Variants in TRPC1 observed in about 807,000 individuals in gnomAD.
TRPC1 encodes the protein transient receptor potential cation channel subfamily C member 1.
TRPC1 carries 42 observed loss-of-function variants against 88.2 expected under a neutral mutation model. That is an observed-to-expected ratio of 0.48 (90% CI 0.37 to 0.62). The LOEUF (loss-of-function observed/expected upper bound fraction) is 0.62. Ranked by LOEUF, TRPC1 falls within the 20% of genes least tolerant of loss-of-function variation. The probability of loss-of-function intolerance (pLI) is 0.00; values close to 1 mark genes in which losing one functional copy is unlikely to be tolerated. For missense variants in TRPC1, 699 were observed against 957.3 expected, an observed-to-expected ratio of 0.73 and a Z score of 3.56; for synonymous variants, 288 against 331.8, an observed-to-expected ratio of 0.87 and a Z score of 1.43.
At chr3:142,727,982 T>TA (rs879298426) in intron 1 of TRPC1, among the ~76,000 whole-genome samples, 249 of 144,594 alleles carry the variant, frequency 1.7e-3, no homozygotes, top group Middle Eastern at 3.5e-3. Context: ...AATTTTCCTC[T>TA]AAAAAAAAAA....
intron 3 of TRPC1, among the ~76,000 whole-genome samples, chr3:142,746,612 T>TA (rs1255419866): frequency 3.3e-5 from 5 of 152,186 alleles, no homozygotes; most frequent in Non-Finnish European, 7.3e-5. Context: ...CAAAGGAAAT[T>TA]AAATTACAAT....
chr3:142,774,015 G>A (rs113770476), intron 4 of TRPC1, among the ~76,000 whole-genome samples: 31 of 152,050 alleles, frequency 2.0e-4, no homozygotes, highest in African/African-American at 7.5e-4. Context: ...ATTTATTGAT[G>A]TCTGTGCTTT....
At chr3:142,766,855 T>A (rs1316978964) in intron 4 of TRPC1, among the ~76,000 whole-genome samples, 1 of 152,242 alleles carries the variant, frequency 6.6e-6, no homozygotes, top group Admixed American at 6.5e-5. Flanking sequence ...ATCTATTCCA[T>A]TAGTTCTGTC....
chr3:142,785,491 TTTTTGTTTTG>T (rs568298624), intron 7 of TRPC1, among the ~76,000 whole-genome samples: 15 of 152,122 alleles, frequency 9.9e-5, no homozygotes, highest in African/African-American at 3.1e-4. Flanking sequence ...AGCTTTTTGG[TTTTTGTTTTG>T]TTTTGTTTTG....
In TRPC1 at chr3:142,743,874, T is replaced by A. The variant is rs899860242; in HGVS notation, c.429+288T>A. ...TTGAAAATATAGATTAGTTTGCAGA[T>A]AGATAAGAATTAAATGTAAACAATG... is the stretch of plus-strand genomic sequence containing the variant. On this transcript the variant is annotated intron_variant, in intron 3 of 12. Coordinates refer to ENST00000476941, the MANE Select transcript of TRPC1 (RefSeq NM_001251845.2). 5.9e-5 allele frequency among the ~76,000 whole-genome samples: 9 copies of A among 152,188 alleles called. No individual in the cohort carries two copies. The East Asian group carries it at 1.7e-3, about 29-fold the overall frequency.
At chr3:142,779,786 TA>T (rs1935900798) in intron 5 of TRPC1, among the ~76,000 whole-genome samples, 1 of 151,930 alleles carries the variant, frequency 6.6e-6, no homozygotes, top group African/African-American at 2.4e-5. Context: ...ACCTCAAGAC[TA>T]TGACTCATAA....
At chr3:142,726,579 G>A (rs559854583) in intron 1 of TRPC1, among the ~76,000 whole-genome samples, 6 of 152,204 alleles carry the variant, frequency 3.9e-5, no homozygotes, top group African/African-American at 1.4e-4. Context: ...TCTGTTTCAG[G>A]TATGTCTAAA....
intron 4 of TRPC1, among the ~76,000 whole-genome samples, chr3:142,758,559 T>G (rs1244388341): frequency 6.6e-6 from 1 of 152,222 alleles, no homozygotes; most frequent in Non-Finnish European, 1.5e-5. Context: ...GTCAGATGGA[T>G]AGTTTGCAAA....
chr3:142,746,357 A>G (rs1934555884), intron 3 of TRPC1, among the ~76,000 whole-genome samples: 1 of 152,168 alleles, frequency 6.6e-6, no homozygotes, highest in Admixed American at 6.5e-5. Flanking sequence ...CATACAGTTA[A>G]GTATGTTTCA....
At chr3:142,748,159 T>A in intron 3 of TRPC1, 99 bp from the exon 4 acceptor site, 1 of 1,117,598 alleles carries the variant, frequency 8.9e-7, no homozygotes, top group Non-Finnish European at 1.3e-6. Flanking sequence ...AATTCTTAAG[T>A]TCTTTGTGCC....
intron 12 of TRPC1, 105 bp downstream of exon 12, chr3:142,804,735 TCTGA>T (rs143060625): frequency 0.041 from 44,856 of 1,103,644 alleles, 1,191 homozygotes; most frequent in East Asian, 0.1. Flanking sequence ...GCTGTGACTG[TCTGA>T]CTTTTTTTCA....
intron 4 of TRPC1, among the ~76,000 whole-genome samples, chr3:142,759,046 G>A (rs1379998501): frequency 6.6e-6 from 1 of 152,054 alleles, no homozygotes; most frequent in African/African-American, 2.4e-5. Flanking sequence ...TGGTGTATAT[G>A]TGCCACATTT....
rs1936788507 is a variant in TRPC1, at chr3:142,806,175, A to G, written c.2322A>G (p.Glu774=). ...LRQDLSKFRN[E]IRDLLGFRTS... ...AAGATCTGTCAAAATTCCGAAATGA[A>G]ATAAGGGATTTACTTGGCTTTCGGA... The change falls in exon 13 of 13, where the codon GAA becomes GAG. Residue 774 remains glutamate, a synonymous_variant. Coordinates refer to ENST00000476941, the MANE Select transcript of TRPC1 (RefSeq NM_001251845.2). 1.2e-6 allele frequency: 2 copies of G among 1,613,570 alleles called. No individual in the cohort carries two copies. The highest frequency in any genetic ancestry group is 2.7e-5 in the African/African-American group (2 of 74,904).
Position 142,792,923 on chromosome 3 carries a change from C to G in TRPC1, c.1537C>G (p.Leu513Val). 6.2e-7 allele frequency: 1 copy of G among 1,610,434 alleles called. No homozygotes were observed. Among genetic ancestry groups the G allele is most frequent in the Non-Finnish European group, 8.5e-7 (1 of 1,177,870 alleles). Residue 513 changes from leucine to valine, a missense_variant, in exon 9 of 13, where the codon CTC (leucine) becomes GTC (valine). Physicochemically the swap from Leu to Val is conservative, Grantham distance 32 (BLOSUM62 1). Coordinates refer to ENST00000476941, the MANE Select transcript of TRPC1 (RefSeq NM_001251845.2). This position sits in a 1 kb window ranked among gnomAD's most constrained non-coding sequence, Gnocchi z 4.0. ...TGCAAATGTTCTAAGTTATCTTCGT[C>G]TCTTTTTTATGTATACAACCAGCTC... is the stretch of plus-strand genomic sequence containing the variant. ...AFANVLSYLR[L>V]FFMYTTSSIL...
intron 7 of TRPC1, among the ~76,000 whole-genome samples, chr3:142,789,411 TA>T (rs1936228736): frequency 6.6e-6 from 1 of 152,236 alleles, no homozygotes. Flanking sequence ...AAAAACATAC[TA>T]AGGTGGAATT....
chr3:142,798,221 C>G (rs1440809963), intron 9 of TRPC1, among the ~76,000 whole-genome samples: 1 of 152,076 alleles, frequency 6.6e-6, no homozygotes, highest in African/African-American at 2.4e-5. Context: ...TAAGGCCCAG[C>G]TCACACAGTG....
At chr3:142,737,220 T>C (rs1934169592) in intron 2 of TRPC1, among the ~76,000 whole-genome samples, 1 of 151,620 alleles carries the variant, frequency 6.6e-6, no homozygotes, top group Non-Finnish European at 1.5e-5. Flanking sequence ...TCTACCTCTT[T>C]TTTTTTTTTT....
chr3:142,766,203 G>A (rs546446408), intron 4 of TRPC1, among the ~76,000 whole-genome samples: 2 of 152,202 alleles, frequency 1.3e-5, no homozygotes, highest in African/African-American at 4.8e-5. Context: ...GGATTGAAGG[G>A]TACAAAGTAT....
intron 4 of TRPC1, among the ~76,000 whole-genome samples, chr3:142,772,648 A>G (rs1935617790): frequency 6.6e-6 from 1 of 151,404 alleles, no homozygotes; most frequent in Non-Finnish European, 1.5e-5. Flanking sequence ...TTAGCCAGGC[A>G]TGGTGGCGCA....
Sources: gnomAD v4.1 joint callset for allele counts (sites outside exome capture counted in the v4.1 genomes callset) on GRCh38, gnomAD v4.1.1 for gene constraint, Gnocchi (gnomAD v3.1) non-coding constraint, MANE v1.5 for transcripts, NCBI Gene and HGNC (gene_info 2026-07-23, HGNC 2026-07-21) for gene names.